KAT6A: variants seen among roughly 807,000 people sequenced by gnomAD.
KAT6A encodes histone acetyltransferase KAT6A.
Under a neutral mutation model 198.4 loss-of-function variants are expected in KAT6A, and 9 were observed. The observed-to-expected ratio is 0.05, with a 90% CI of 0.03 to 0.08. The LOEUF (loss-of-function observed/expected upper bound fraction) is 0.08, where lower values mean the gene tolerates loss of function less well. Ranked by LOEUF, KAT6A falls within the 10% of genes least tolerant of loss-of-function variation. The pLI is 1.00. For synonymous variants in KAT6A, 890 were observed against 883.0 expected (o/e 1.01, Z -0.14); for missense variants, 2,077 against 2,509.9 (o/e 0.83, Z 3.69).
chr8:41,955,797 G>GTC (rs1822891566), intron 8 of KAT6A, among the ~76,000 whole-genome samples: 1 of 152,182 alleles, frequency 6.6e-6, no homozygotes, highest in Non-Finnish European at 1.5e-5. Flanking sequence ...ATTTGCTGAA[G>GTC]TCCTACCACA....
intron 2 of KAT6A, among the ~76,000 whole-genome samples, chr8:42,017,394 G>A (rs1046770247): frequency 1.3e-4 from 20 of 152,138 alleles, no homozygotes; most frequent in African/African-American, 4.6e-4. Context: ...ATAATACAGG[G>A]AGAAAAACGT....
chr8:42,017,890 G>A (rs1424506432), intron 2 of KAT6A, among the ~76,000 whole-genome samples: 1 of 152,160 alleles, frequency 6.6e-6, no homozygotes, highest in Non-Finnish European at 1.5e-5. Flanking sequence ...TCTGTTTACT[G>A]CTGAACTCAC....
intron 2 of KAT6A, among the ~76,000 whole-genome samples, chr8:42,031,081 G>C (rs547273660): frequency 6.9e-6 from 1 of 143,992 alleles, no homozygotes; most frequent in Admixed American, 6.9e-5. Context: ...GTGATCATTT[G>C]TATACACATA....
At chr8:42,006,770 C>T (rs572248137) in intron 2 of KAT6A, among the ~76,000 whole-genome samples, 3 of 152,038 alleles carry the variant, frequency 2.0e-5, no homozygotes, top group Admixed American at 1.3e-4. Context: ...CCGAGGTGGG[C>T]GGATCACCTG....
At chr8:41,997,834 CAAAT>C (rs1825295322) in intron 2 of KAT6A, among the ~76,000 whole-genome samples, 2 of 152,042 alleles carry the variant, frequency 1.3e-5, no homozygotes, top group South Asian at 4.1e-4. Flanking sequence ...GAACTTGAAA[CAAAT>C]AATTTTCAGC....
intron 2 of KAT6A, among the ~76,000 whole-genome samples, chr8:42,008,541 G>A (rs892680016): frequency 1.3e-5 from 2 of 152,052 alleles, no homozygotes; most frequent in African/African-American, 2.4e-5. Context: ...GGGGTTTCAC[G>A]TTGCCCAGGC....
In KAT6A at chr8:41,978,700, G is replaced by A. The variant is rs1824194492; in HGVS notation, c.985C>T (p.Arg329Trp). Residue 329 changes from arginine to tryptophan, a missense_variant, in exon 6 of 17, where the codon CGG becomes TGG. Around this residue, in one of 13 missense-constraint regions of KAT6A, gnomAD observed 89 missense variants for 154.4 expected, o/e 0.58. Transcript: ENST00000265713. Reference sequence around the variant, plus strand: ...CGTCCTATTGGATTAGTATAGCGCCGTTTTATCTGTGCTGCCTTCTTTTGT... The same window carrying A: ...CGTCCTATTGGATTAGTATAGCGCCATTTTATCTGTGCTGCCTTCTTTTGT... ...LLQKKAAQIKRRYTNPIGRPK... is the reference protein window; with the variant it reads ...LLQKKAAQIKWRYTNPIGRPK... 2.5e-6 allele frequency: 4 copies of A among 1,613,892 alleles called. No individual in the cohort carries two copies. Among genetic ancestry groups the A allele is most frequent in the African/African-American group, 1.3e-5 (1 of 74,992 alleles).
chr8:41,980,762 T>C lies in KAT6A; in HGVS notation c.907+84A>G, dbSNP rs1453135537. On this transcript the variant is annotated intron_variant, in intron 5 of 16. Coordinates refer to ENST00000265713, the MANE Select transcript of KAT6A (RefSeq NM_006766.5). ...CTCAAAAAGAAAGATCCAATTATTA[T>C]TTCATTTAACAAAGTAGATAAAATG... 6 of 950,832 alleles carry C rather than the reference T, an allele frequency of 6.3e-6. 1 individual carries two copies. In the South Asian group the frequency reaches 7.8e-5, roughly 12 times the overall value. 58.9% of individuals were successfully genotyped at this position (950,832 alleles called of 1,614,324 possible).
intron 2 of KAT6A, among the ~76,000 whole-genome samples, chr8:41,995,834 C>T (rs1825177427): frequency 6.6e-6 from 1 of 152,038 alleles, no homozygotes; most frequent in African/African-American, 2.4e-5. Context: ...TGCCACCACA[C>T]CCAGCTAATT....
intron 2 of KAT6A, among the ~76,000 whole-genome samples, chr8:41,997,279 T>C (rs551123389): frequency 1.2e-4 from 18 of 152,296 alleles, no homozygotes; most frequent in African/African-American, 2.9e-4. Context: ...TCAAAACCCA[T>C]GCAATGAAAA....
chr8:41,938,454 C>T lies in KAT6A; in HGVS notation c.3040-886G>A, dbSNP rs1334630013. ...CAGTTAGTCAATGTTCAATTTTTCT[C>T]TACTTCAAACTTAATAGTCCCAATC... On this transcript the variant is annotated intron_variant, in intron 15 of 16. Coordinates refer to ENST00000265713, the MANE Select transcript of KAT6A (RefSeq NM_006766.5). Among the ~76,000 whole-genome samples the T allele has an allele frequency of 5.9e-5, 9 of 152,252 alleles. 1 individual carries two copies. The South Asian group carries it at 1.7e-3, about 28-fold the overall frequency.
chr8:42,035,917 T>C (rs994223786), intron 2 of KAT6A, among the ~76,000 whole-genome samples: 4 of 151,914 alleles, frequency 2.6e-5, no homozygotes, highest in Non-Finnish European at 4.4e-5. Flanking sequence ...AGAAAGATGA[T>C]AGAGTCAAAA....
At chr8:41,946,293 G>C (rs1453287898) in intron 12 of KAT6A, among the ~76,000 whole-genome samples, 1 of 151,972 alleles carries the variant, frequency 6.6e-6, no homozygotes, top group Non-Finnish European at 1.5e-5. Context: ...TGTAGAGACA[G>C]GGTCTTGCCA....
At position 41,955,319 on chromosome 8, in the gene KAT6A, G is replaced by A. The variant is rs1822870091; in HGVS notation, c.1575C>T (p.Ser525=). The change falls in exon 9 of 17, where the codon TCC becomes TCT. Residue 525 remains serine, a synonymous_variant. Transcript: ENST00000265713. ...ACCTTGAGTATTCTTGAGGATATGGGGAGGAGTACCAGGTGTGAATTTCAT... is the reference window on the plus strand; with the variant it reads ...ACCTTGAGTATTCTTGAGGATATGGAGAGGAGTACCAGGTGTGAATTTCAT... The part of the protein sequence containing the change: ...GKYEIHTWYS[S]PYPQEYSRLP... 1.2e-6 allele frequency: 2 copies of A among 1,608,270 alleles called. No individual in the cohort carries two copies. The highest frequency in any genetic ancestry group is 1.7e-5 in the Admixed American group (1 of 60,004).
At position 41,961,979 on chromosome 8, in the gene KAT6A, G is replaced by A. The variant is rs532769253; in HGVS notation, c.1483-6568C>T. Reference sequence around the variant, plus strand: ...CTCAAGATTACTTCCTTGTTGCTAAGCTGGACAGTCAATTTTCAGTTCTCT... The same window carrying A: ...CTCAAGATTACTTCCTTGTTGCTAAACTGGACAGTCAATTTTCAGTTCTCT... On this transcript the variant is annotated intron_variant, in intron 8 of 16. Coordinates refer to ENST00000265713, the MANE Select transcript of KAT6A (RefSeq NM_006766.5). 2.6e-5 allele frequency among the ~76,000 whole-genome samples: 4 copies of A among 152,188 alleles called. No individual in the cohort carries two copies. The East Asian group carries it at 7.7e-4, about 29-fold the overall frequency.
At chr8:41,937,230 CAGTA>C (rs753536164) in intron 16 of KAT6A, 22 bp downstream of exon 16, 8 of 1,571,052 alleles carry the variant, frequency 5.1e-6, no homozygotes, top group African/African-American at 4.0e-5. Context: ...CAATAAACCA[CAGTA>C]AGTGAGTTCT....
chr8:41,989,205 C>A (rs1824781171), intron 2 of KAT6A, among the ~76,000 whole-genome samples: 1 of 152,092 alleles, frequency 6.6e-6, no homozygotes, highest in African/African-American at 2.4e-5. Context: ...TTGGGGCTTA[C>A]TGAGCTTAAA....
rs766320012 is a variant in KAT6A at position 41,932,552 on chromosome 8, C to T, written c.5668G>A (p.Ala1890Thr). Residue 1890 changes from alanine (A) to threonine (T), a missense_variant, in exon 17 of 17, where the codon GCA becomes ACA. Coordinates refer to ENST00000265713, the MANE Select transcript of KAT6A (RefSeq NM_006766.5). Reference sequence around the variant, plus strand: ...TTCATGCCACGCTGAACAGCCAGTGCGCGAGGGCCAGCCTGCATGGCAACT... The same window carrying T: ...TTCATGCCACGCTGAACAGCCAGTGTGCGAGGGCCAGCCTGCATGGCAACT... ...SAVAMQAGPR[A>T]LAVQRGMNMG... 3.5e-5 allele frequency: 57 copies of T among 1,614,100 alleles called. No individual in the cohort carries two copies. Among genetic ancestry groups the T allele is most frequent in the South Asian group, 3.1e-4 (28 of 91,086 alleles).
At chr8:42,017,843 A>C (rs1826348262) in intron 2 of KAT6A, among the ~76,000 whole-genome samples, 1 of 152,200 alleles carries the variant, frequency 6.6e-6, no homozygotes, top group Admixed American at 6.5e-5. Flanking sequence ...AGAGTCTGCT[A>C]AATAATAAGC....
Sources: allele counts gnomAD v4.1 joint callset (sites outside exome capture counted in the v4.1 genomes callset), GRCh38; gene constraint gnomAD v4.1.1; regional missense constraint gnomAD v4.1.1; transcripts MANE v1.5; gene names NCBI Gene and HGNC (gene_info 2026-07-23, HGNC 2026-07-21).